PRKCZ: variants seen among roughly 807,000 people sequenced by gnomAD.
The protein encoded by PRKCZ is protein kinase C zeta, also known as protein kinase C zeta type.
In PRKCZ, 33 loss-of-function variants were observed where a neutral mutation model predicts 79.5. That is an observed-to-expected ratio of 0.41 (90% CI 0.31 to 0.55). The LOEUF (loss-of-function observed/expected upper bound fraction) is 0.55. Ranked by LOEUF, PRKCZ falls within the 20% of genes least tolerant of loss-of-function variation. PRKCZ has a pLI of 0.19. For missense variants in PRKCZ, 578 were observed against 813.5 expected (o/e 0.71, Z 3.52); for synonymous variants, 342 against 320.9 (o/e 1.07, Z -0.70).
chr1:2,170,282 G>A (rs75427288), intron 11 of PRKCZ, among the ~76,000 whole-genome samples: 1,739 of 152,236 alleles, frequency 0.011, 38 homozygotes, highest in African/African-American at 0.04. Context: ...AGCCTCCCCC[G>A]GCAGCCGCGG....
At position 2,058,550 on chromosome 1, in the gene PRKCZ, T is replaced by G. The variant is rs193034090; in HGVS notation, c.284-991T>G. Among the ~76,000 whole-genome samples the G allele has an allele frequency of 5.3e-5, 8 of 152,178 alleles. No individual in the cohort carries two copies. In the East Asian group the frequency reaches 1.5e-3, roughly 29 times the overall value. On this transcript the variant is annotated intron_variant, in intron 3 of 17. Coordinates refer to ENST00000378567, the MANE Select transcript of PRKCZ (RefSeq NM_002744.6). Reference sequence around the variant, plus strand: ...GTTGTGATAGTAAGCACATTTTGCCTCTCTATGTGGAAAGATACAGTGGCT... The same window carrying G: ...GTTGTGATAGTAAGCACATTTTGCCGCTCTATGTGGAAAGATACAGTGGCT...
At position 2,179,797 on chromosome 1, in the gene PRKCZ, T is replaced by G. The variant is rs150864937; in HGVS notation, c.1575+4484T>G. On this transcript the variant is annotated intron_variant, in intron 16 of 17. Transcript: ENST00000378567. Reference sequence around the variant, plus strand: ...GCAAGGACTCTAATGCTTCGTGTGGTGGGAGCCTCAGGACTTTCCCACGTG... The same window carrying G: ...GCAAGGACTCTAATGCTTCGTGTGGGGGGAGCCTCAGGACTTTCCCACGTG... Among the ~76,000 whole-genome samples, 449 of 151,410 alleles carry G rather than the reference T, an allele frequency of 3.0e-3. 3 individuals are homozygous for G. Among genetic ancestry groups the G allele is most frequent in the African/African-American group, 0.01 (420 of 41,164 alleles).
intron 6 of PRKCZ, chr1:2,145,170 G>C (rs1479453338): frequency 2.0e-5 from 3 of 152,302 alleles, no homozygotes; most frequent in Non-Finnish European, 2.9e-5. Context: ...AGGTCCTTCA[G>C]CTGCATCTGC....
intron 4 of PRKCZ, among the ~76,000 whole-genome samples, chr1:2,120,202 G>A (rs1671579896): frequency 6.8e-6 from 1 of 147,566 alleles, no homozygotes; most frequent in South Asian, 2.3e-4. Flanking sequence ...GAGGAATCGA[G>A]AATTTCTCCT....
At chr1:2,110,647 C>G (rs1016134677) in intron 4 of PRKCZ, among the ~76,000 whole-genome samples, 27 of 152,290 alleles carry the variant, frequency 1.8e-4, no homozygotes, top group African/African-American at 6.5e-4. Context: ...CACCCTCACA[C>G]CATCGCTGGC....
At chr1:2,132,932 C>T (rs757847813) in intron 4 of PRKCZ, among the ~76,000 whole-genome samples, 11 of 152,188 alleles carry the variant, frequency 7.2e-5, no homozygotes, top group Non-Finnish European at 1.3e-4. Context: ...GGGACCCCAT[C>T]TCCAAATACA....
At chr1:2,137,018 A>G (rs1294433011) in intron 5 of PRKCZ, among the ~76,000 whole-genome samples, 1 of 152,178 alleles carries the variant, frequency 6.6e-6, no homozygotes, top group East Asian at 1.9e-4. Flanking sequence ...GGCCAGCTGC[A>G]GGCTGGGGAA....
At chr1:2,147,439 C>T (rs1336089437) in intron 7 of PRKCZ, among the ~76,000 whole-genome samples, 5 of 151,990 alleles carry the variant, frequency 3.3e-5, no homozygotes. Flanking sequence ...ACTGACCTCT[C>T]CATCTATCCA....
At chr1:2,074,406 C>A in intron 4 of PRKCZ, 1 of 1,305,166 alleles carries the variant, frequency 7.7e-7, no homozygotes, top group Non-Finnish European at 1.1e-6. Context: ...GGGAGTTTCA[C>A]TGTGGCCGAT....
intron 11 of PRKCZ, among the ~76,000 whole-genome samples, chr1:2,171,800 C>G (rs1684491785): frequency 6.6e-6 from 1 of 152,228 alleles, no homozygotes; most frequent in Admixed American, 6.5e-5. Context: ...CGCTCCTCCC[C>G]TTGTGGAGGC....
intron 16 of PRKCZ, among the ~76,000 whole-genome samples, chr1:2,181,541 G>A (rs184267491): frequency 6.6e-5 from 10 of 152,360 alleles, no homozygotes; most frequent in Admixed American, 2.6e-4. Flanking sequence ...CAGGCACCAT[G>A]GGTCCCGACC....
In PRKCZ at chr1:2,127,436, C is replaced by T. The variant is rs1021065771; in HGVS notation, c.335-7826C>T. On this transcript the variant is annotated intron_variant, in intron 4 of 17. Coordinates refer to ENST00000378567, the MANE Select transcript of PRKCZ (RefSeq NM_002744.6). The surrounding 1 kb of genome is among the most constrained non-coding windows in gnomAD (Gnocchi z 5.1). ...CCCTGCCCCACGGCCACCCCAGATCCTCAGACGCCCCTCCCTGTGCCTTCT... is the reference window on the plus strand; with the variant it reads ...CCCTGCCCCACGGCCACCCCAGATCTTCAGACGCCCCTCCCTGTGCCTTCT... 3.3e-5 allele frequency among the ~76,000 whole-genome samples: 5 copies of T among 151,882 alleles called. No individual in the cohort carries two copies. Among genetic ancestry groups the T allele is most frequent in the African/African-American group, 1.2e-4 (5 of 41,336 alleles).
At chr1:2,070,812 C>T (rs1302999045) in intron 4 of PRKCZ, among the ~76,000 whole-genome samples, 1 of 151,166 alleles carries the variant, frequency 6.6e-6, no homozygotes, top group African/African-American at 2.4e-5. Flanking sequence ...GCTGCGGGGG[C>T]CGGGGTGGGC....
intron 4 of PRKCZ, chr1:2,073,942 C>G (rs1661900043): frequency 7.4e-7 from 1 of 1,355,672 alleles, no homozygotes; most frequent in African/African-American, 1.5e-5. Flanking sequence ...GAGTCGGGGG[C>G]ATCTCCCCCG....
Position 2,053,790 on chromosome 1 carries a change from G to A in PRKCZ, c.72-1651G>A, listed in dbSNP as rs562112636. The stretch of plus-strand genomic sequence containing the variant: ...TTGGACTCCAGGTCAGGCAGCAGGC[G>A]TGGATGTCAGCTTGGGGCGACCCCA... On this transcript the variant is annotated intron_variant, in intron 1 of 17. Coordinates refer to ENST00000378567, the MANE Select transcript of PRKCZ (RefSeq NM_002744.6). 2.3e-4 allele frequency among the ~76,000 whole-genome samples: 35 copies of A among 152,346 alleles called. No individual in the cohort carries two copies. The East Asian group carries it at 6.0e-3, about 26-fold the overall frequency.
At chr1:2,171,355 A>G (rs1277197298) in intron 11 of PRKCZ, among the ~76,000 whole-genome samples, 1 of 150,464 alleles carries the variant, frequency 6.6e-6, no homozygotes, top group Non-Finnish European at 1.5e-5. Flanking sequence ...AAAAAAAAAA[A>G]AAAGGTCATA....
At chr1:2,164,930 C>T (rs890636607) in intron 10 of PRKCZ, among the ~76,000 whole-genome samples, 7 of 152,120 alleles carry the variant, frequency 4.6e-5, no homozygotes, top group Admixed American at 6.5e-5. Context: ...CACCCCAGGC[C>T]GTGTCTCCTG....
chr1:2,121,559 T>C (rs59413377), intron 4 of PRKCZ, among the ~76,000 whole-genome samples: 34 of 5,446 alleles, frequency 6.2e-3, no homozygotes, highest in Middle Eastern at 0.036. Flanking sequence ...TAGTTAGGGC[T>C]ATGGCTGTAG....
chr1:2,078,827 T>C (rs1381329223), intron 4 of PRKCZ, among the ~76,000 whole-genome samples: 1 of 151,870 alleles, frequency 6.6e-6, no homozygotes, highest in African/African-American at 2.4e-5. Flanking sequence ...CTTTCGATCT[T>C]TTTTCTCTGA....
Sources: gnomAD v4.1 joint callset for allele counts (sites outside exome capture counted in the v4.1 genomes callset) on GRCh38, gnomAD v4.1.1 for gene constraint, Gnocchi (gnomAD v3.1) non-coding constraint, MANE v1.5 for transcripts, NCBI Gene and HGNC (gene_info 2026-07-23, HGNC 2026-07-21) for gene names.